The following ULK2 variants were observed in gnomAD, a reference collection of about 807,000 sequenced individuals.
The protein encoded by ULK2 is unc-51 like autophagy activating kinase 2.
In ULK2, 76 loss-of-function variants were observed where a neutral mutation model predicts 127.5. The ratio of observed to expected loss-of-function variants is 0.60; its 90% CI spans 0.50 to 0.72. The LOEUF (loss-of-function observed/expected upper bound fraction) is 0.72. Among genes scored for constraint, ULK2 ranks in the 30% least tolerant of loss-of-function variants. ULK2 has a pLI of 0.00. For missense variants in ULK2, 1,144 were observed against 1,295.9 expected (o/e 0.88, Z 1.80); for synonymous variants, 452 against 461.9 (o/e 0.98, Z 0.28).
intron 12 of ULK2, among the ~76,000 whole-genome samples, chr17:19,819,920 T>C (rs2152391290): frequency 6.6e-6 from 1 of 152,282 alleles, no homozygotes; most frequent in South Asian, 2.1e-4. Flanking sequence ...TCTCCTCTAG[T>C]GGAGACCTCT....
intron 3 of ULK2, among the ~76,000 whole-genome samples, chr17:19,854,392 T>C (rs947820607): frequency 2.6e-5 from 4 of 152,126 alleles, no homozygotes; most frequent in African/African-American, 9.7e-5. Flanking sequence ...ATACTAATTA[T>C]ACCAAAGGTT....
intron 21 of ULK2, 93 bp downstream of exon 21, chr17:19,785,844 A>G: frequency 6.9e-7 from 1 of 1,449,096 alleles, no homozygotes; most frequent in Non-Finnish European, 9.2e-7. Flanking sequence ...CAGAGAATTA[A>G]GTGACTTGTC....
At chr17:19,802,621 C>A (rs2152386737) in intron 15 of ULK2, among the ~76,000 whole-genome samples, 1 of 152,280 alleles carries the variant, frequency 6.6e-6, no homozygotes, top group East Asian at 1.9e-4. Flanking sequence ...AGGATCCAGC[C>A]TTCCACAGAT....
chr17:19,804,618 A>G, intron 15 of ULK2, 75 bp downstream of exon 15: 6 of 1,489,132 alleles, frequency 4.0e-6, no homozygotes, highest in Non-Finnish European at 5.4e-6. Context: ...AGAAAGTAAC[A>G]TATCTTCCAA....
chr17:19,843,222 C>A lies in ULK2; in HGVS notation c.544G>T (p.Ala182Ser). 6.5e-7 allele frequency: 1 copy of A among 1,546,910 alleles called. No homozygotes were observed. Residue 182 changes from alanine (A) to serine (S), a missense_variant and splice_region_variant, in exon 8 of 27, where the codon GCT (alanine) becomes TCT (serine). Around this residue, in one of 2 missense-constraint regions of ULK2, gnomAD observed 231 missense variants for 325.4 expected, o/e 0.71. Coordinates refer to ENST00000395544, the MANE Select transcript of ULK2 (RefSeq NM_014683.4). The part of the protein sequence containing the change: ...ATLCGSPMYM[A>S]PEVIMSQHYD... ...TGTTGAGACATAATAACCTCAGGAG[C>A]CTGGGAACAGAAAAATTTAAGGGGC... is the stretch of plus-strand genomic sequence containing the variant.
Position 19,867,626 on chromosome 17 carries a change from C to CGGCCCCTGCCGCTCATGGCCCGGCCT in ULK2, c.-235_-210dup. The CGGCCCCTGCCGCTCATGGCCCGGCCT allele has an allele frequency of 3.7e-6, 1 of 273,830 alleles. No homozygotes were observed. The highest frequency in any genetic ancestry group is 6.7e-6 in the Non-Finnish European group (1 of 148,800). 17.0% of individuals were successfully genotyped at this position (273,830 alleles called of 1,614,324 possible). A position where few individuals can be genotyped will look rare whatever the true frequency, so the allele number is the denominator to read the frequency against. On this transcript the variant is annotated 5_prime_UTR_variant, in exon 1 of 27. The change creates a new upstream start codon in the 5' untranslated region. Transcript: ENST00000395544. Reference sequence around the variant, plus strand: ...GAGCCAGGGTCAGCGAGGCCCGGCCCGGCCCCTGCCGCTCATGGCCCGGCC... The same window carrying CGGCCCCTGCCGCTCATGGCCCGGCCT: ...GAGCCAGGGTCAGCGAGGCCCGGCCCGGCCCCTGCCGCTCATGGCCCGGCCTGGCCCCTGCCGCTCATGGCCCGGCC...
At position 19,867,654 on chromosome 17, in the gene ULK2, C is replaced by T; in HGVS notation, c.-237G>A. The T allele has an allele frequency of 4.1e-6, 1 of 242,858 alleles. No homozygotes were observed. The allele number at this position is 242,858 out of a possible 1,614,324, so 15.0% of individuals were successfully genotyped here. On this transcript the variant is annotated 5_prime_UTR_variant, in exon 1 of 27. Coordinates refer to ENST00000395544, the MANE Select transcript of ULK2 (RefSeq NM_014683.4). ...CCCCTGCCGCTCATGGCCCGGCCTG[C>T]CGCCGGCCGCTGGCTGTCTGGCGAA...
chr17:19,866,968 G>C (rs2042364284), intron 1 of ULK2, among the ~76,000 whole-genome samples: 1 of 152,096 alleles, frequency 6.6e-6, no homozygotes, highest in Non-Finnish European at 1.5e-5. Flanking sequence ...CCCTGGGCAC[G>C]GGGAAAAAAA....
intron 13 of ULK2, among the ~76,000 whole-genome samples, chr17:19,814,294 T>A (rs1275524063): frequency 6.6e-6 from 1 of 150,784 alleles, no homozygotes; most frequent in Non-Finnish European, 1.5e-5. Context: ...TAGGGCAGCA[T>A]GACAGAGAAT....
chr17:19,798,494 G>A (rs565609494), intron 17 of ULK2, among the ~76,000 whole-genome samples: 9 of 152,260 alleles, frequency 5.9e-5, no homozygotes, highest in South Asian at 2.1e-4. Context: ...TATAAAGGGC[G>A]TGCAAATATT....
chr17:19,867,202 C>G (rs920604676), intron 1 of ULK2, 126 bp downstream of exon 1: 1 of 673,632 alleles, frequency 1.5e-6, no homozygotes, highest in Non-Finnish European at 2.3e-6. Flanking sequence ...ACGGGCTGCG[C>G]GCACAATAGC....
rs915216333 is a variant in ULK2, at chr17:19,816,785, CA to C, written c.1059del (p.Phe353LeufsTer55). ...SKNSSCDTDD[F>X]VLVPHNISSD... ...GACGAGATGTTGTGTGGCACCAAAA[CA>C]AAGTCATCCGTGTCACAAGAAGAGT... On this transcript the variant is annotated frameshift_variant, in exon 13 of 27. Transcript: ENST00000395544. LOFTEE classifies it high-confidence loss of function. 6.2e-7 allele frequency: 1 copy of C among 1,606,688 alleles called. No homozygotes were observed. The highest frequency in any genetic ancestry group is 1.3e-5 in the African/African-American group (1 of 74,464).
intron 10 of ULK2, among the ~76,000 whole-genome samples, chr17:19,827,888 C>A (rs773636386): frequency 6.7e-6 from 1 of 150,374 alleles, no homozygotes; most frequent in Admixed American, 6.6e-5. Flanking sequence ...CCAGCCTAGG[C>A]ACCAAGGGCG....
At chr17:19,856,617 T>C (rs2042133726) in intron 3 of ULK2, among the ~76,000 whole-genome samples, 1 of 151,590 alleles carries the variant, frequency 6.6e-6, no homozygotes, top group Non-Finnish European at 1.5e-5. Flanking sequence ...ATTCACGTTA[T>C]GACATGTATC....
At chr17:19,867,267 C>G in intron 1 of ULK2, 61 bp downstream of exon 1, 2 of 1,363,314 alleles carry the variant, frequency 1.5e-6, no homozygotes, top group South Asian at 3.0e-5. Context: ...CGCCAAGTTT[C>G]AGAACCACCT....
chr17:19,835,787 C>T (rs1413910066), intron 10 of ULK2, among the ~76,000 whole-genome samples: 1 of 151,316 alleles, frequency 6.6e-6, no homozygotes, highest in African/African-American at 2.4e-5. Flanking sequence ...TACAAAAAAG[C>T]CAGAACACTC....
At chr17:19,823,126 A>ATTAT (rs1555559582) in intron 12 of ULK2, among the ~76,000 whole-genome samples, 2 of 113,206 alleles carry the variant, frequency 1.8e-5, no homozygotes, top group Non-Finnish European at 3.3e-5. Context: ...ACGCCTGGCT[A>ATTAT]TTTTTTTTTT....
chr17:19,859,253 C>T (rs1266237047), intron 3 of ULK2, among the ~76,000 whole-genome samples: 1 of 152,032 alleles, frequency 6.6e-6, no homozygotes, highest in Non-Finnish European at 1.5e-5. Context: ...GTGGCTCAGG[C>T]CTGTAATCCC....
chr17:19,818,216 G>T (rs758663725), intron 12 of ULK2, among the ~76,000 whole-genome samples: 1 of 151,978 alleles, frequency 6.6e-6, no homozygotes, highest in African/African-American at 2.4e-5. Flanking sequence ...CCAGCTACTC[G>T]GGGGGTTGAG....
Sources: allele counts gnomAD v4.1 joint callset (sites outside exome capture counted in the v4.1 genomes callset), GRCh38; gene constraint gnomAD v4.1.1; regional missense constraint gnomAD v4.1.1; transcripts MANE v1.5; gene names NCBI Gene and HGNC (gene_info 2026-07-23, HGNC 2026-07-21).